The following KDM6A variants were observed in gnomAD, a reference collection of about 807,000 sequenced individuals.
KDM6A encodes the protein lysine-specific demethylase 6A.
A neutral mutation model predicts 117.6 loss-of-function variants in KDM6A; 11 were observed. That is an observed-to-expected ratio of 0.09 (90% CI 0.06 to 0.15). KDM6A has a LOEUF of 0.15. KDM6A is among the 10% of genes least tolerant of loss of function. The probability of loss-of-function intolerance (pLI) is 1.00; values close to 1 mark genes in which losing one functional copy is unlikely to be tolerated. For missense variants in KDM6A, 799 were observed against 1,077.3 expected (o/e 0.74, Z 3.62); for synonymous variants, 384 against 396.1 (o/e 0.97, Z 0.36).
chrX:44,959,589 GCTCA>G (rs1230591428), intron 2 of KDM6A, among the ~76,000 whole-genome samples: 6 of 110,154 alleles, frequency 5.4e-5, no homozygotes, highest in Non-Finnish European at 9.5e-5. Context: ...AAAAAAATAC[GCTCA>G]CTATTATGAG....
At chrX:45,016,402 T>C (rs1428049877) in intron 5 of KDM6A, among the ~76,000 whole-genome samples, 1 of 111,854 alleles carries the variant, frequency 8.9e-6, no homozygotes. Context: ...GTGAGAAATC[T>C]CTTGTTCAGC....
rs758612451 is a variant in KDM6A at position 45,042,959 on chromosome X, A to G, written c.654+5270A>G. On this transcript the variant is annotated intron_variant, in intron 8 of 29. Transcript: ENST00000611820. ...TGTTAAAGAAATGTTAGCAAGTACAATGGCTTTGTGGTATTGAGCTTATAA... is the reference window on the plus strand; with the variant it reads ...TGTTAAAGAAATGTTAGCAAGTACAGTGGCTTTGTGGTATTGAGCTTATAA... 1.2e-4 allele frequency among the ~76,000 whole-genome samples: 14 copies of G among 112,886 alleles called. 1 individual carries two copies. Among genetic ancestry groups the G allele is most frequent in the Non-Finnish European group, 2.4e-4 (13 of 53,407 alleles).
intron 2 of KDM6A, among the ~76,000 whole-genome samples, chrX:44,885,761 A>G (rs1177826413): frequency 9.1e-6 from 1 of 109,450 alleles, no homozygotes; most frequent in Admixed American, 9.8e-5. Flanking sequence ...AGTCCTGGCT[A>G]CTTGGGAGGC....
chrX:45,034,212 C>T (rs2042718798), intron 6 of KDM6A, among the ~76,000 whole-genome samples: 1 of 111,221 alleles, frequency 9.0e-6, no homozygotes, highest in African/African-American at 3.3e-5. Context: ...TTAAATGTCA[C>T]CCAGTGTTCT....
At chrX:44,972,768 G>T (rs1240375265) in intron 3 of KDM6A, among the ~76,000 whole-genome samples, 1 of 111,518 alleles carries the variant, frequency 9.0e-6, no homozygotes, top group Non-Finnish European at 1.9e-5. Flanking sequence ...GGTCATGGTG[G>T]CTCACACCTG....
At chrX:45,061,790 C>T (rs2044311229) in intron 15 of KDM6A, among the ~76,000 whole-genome samples, 1 of 110,345 alleles carries the variant, frequency 9.1e-6, no homozygotes, top group South Asian at 3.8e-4. Context: ...CTGCACCCAG[C>T]CCTAAGTATT....
chrX:44,932,666 T>G (rs2036703580), intron 2 of KDM6A, among the ~76,000 whole-genome samples: 1 of 111,396 alleles, frequency 9.0e-6, no homozygotes, highest in African/African-American at 3.3e-5. Flanking sequence ...TCTCCCCATT[T>G]AATTGTAAAT....
intron 5 of KDM6A, among the ~76,000 whole-genome samples, chrX:45,016,344 A>T (rs1602585127): frequency 9.0e-6 from 1 of 111,548 alleles, no homozygotes; most frequent in Admixed American, 9.5e-5. Flanking sequence ...TTCTTTTATT[A>T]GTATGAAAAT....
At chrX:45,022,608 C>G (rs1320191764) in intron 6 of KDM6A, among the ~76,000 whole-genome samples, 1 of 111,707 alleles carries the variant, frequency 9.0e-6, no homozygotes, top group Non-Finnish European at 1.9e-5. Flanking sequence ...GCTTAGCATT[C>G]AGAATGAGTG....
intron 2 of KDM6A, among the ~76,000 whole-genome samples, chrX:44,901,829 G>A (rs992336862): frequency 2.7e-5 from 3 of 111,996 alleles, no homozygotes; most frequent in Non-Finnish European, 5.6e-5. Flanking sequence ...TTTGGTTATT[G>A]TTTGCATGGT....
chrX:45,059,680 CTGT>C (rs2044223074), intron 12 of KDM6A, among the ~76,000 whole-genome samples: 1 of 111,946 alleles, frequency 8.9e-6, no homozygotes, highest in Admixed American at 9.5e-5. Context: ...CACATTTACT[CTGT>C]TGATGCATAT....
chrX:45,003,519 G>C (rs775808544), intron 4 of KDM6A, among the ~76,000 whole-genome samples: 96 of 109,054 alleles, frequency 8.8e-4, no homozygotes, highest in Non-Finnish European at 1.6e-3. Context: ...ATTTTTGATA[G>C]GAAGGCTACG....
At chrX:44,880,248 C>A (rs1347951036) in intron 2 of KDM6A, among the ~76,000 whole-genome samples, 1 of 106,481 alleles carries the variant, frequency 9.4e-6, no homozygotes, top group African/African-American at 3.6e-5. Context: ...TTCTGTCCTT[C>A]TTTGATTTCA....
At chrX:44,982,007 C>T (rs1441439530) in intron 4 of KDM6A, among the ~76,000 whole-genome samples, 2 of 111,870 alleles carry the variant, frequency 1.8e-5, no homozygotes, top group Non-Finnish European at 3.8e-5. Context: ...CGCTTGAACC[C>T]GGGAGGCAGA....
intron 2 of KDM6A, among the ~76,000 whole-genome samples, chrX:44,926,999 T>C (rs2146933994): frequency 8.9e-6 from 1 of 111,763 alleles, no homozygotes; most frequent in Admixed American, 9.5e-5. Context: ...ATTAAATGAA[T>C]TAATACATAT....
At chrX:45,042,242 GAAGGAGACCGTGGAGGGAGA>G (rs1569528621) in intron 8 of KDM6A, among the ~76,000 whole-genome samples, 14 of 76,839 alleles carry the variant, frequency 1.8e-4, no homozygotes, top group African/African-American at 9.0e-4. Flanking sequence ...GGAGACCGTG[GAAGGAGACCGTGGAGGGAGA>G]GGGGAGAGGG....
intron 2 of KDM6A, among the ~76,000 whole-genome samples, chrX:44,899,897 T>C (rs1161057146): frequency 8.9e-6 from 1 of 111,830 alleles, no homozygotes; most frequent in African/African-American, 3.3e-5. Context: ...TTTAGGAGAA[T>C]CTTGTGACAA....
chrX:45,092,449 T>C (rs756906363), intron 27 of KDM6A, among the ~76,000 whole-genome samples: 1 of 111,975 alleles, frequency 8.9e-6, no homozygotes, highest in Non-Finnish European at 1.9e-5. Context: ...TTCACCTCAC[T>C]ATAATTCTTG....
intron 2 of KDM6A, among the ~76,000 whole-genome samples, chrX:44,879,009 G>A (rs2031977090): frequency 2.7e-5 from 3 of 111,211 alleles, no homozygotes; most frequent in African/African-American, 3.3e-5. Flanking sequence ...GGTGTGAGCC[G>A]CCGCACCTGG....
Sources: gnomAD v4.1 joint callset for allele counts (sites outside exome capture counted in the v4.1 genomes callset) on GRCh38, gnomAD v4.1.1 for gene constraint, MANE v1.5 for transcripts, NCBI Gene and HGNC (gene_info 2026-07-23, HGNC 2026-07-21) for gene names.